Variants in NEFH observed in about 807,000 individuals in gnomAD.
The protein encoded by NEFH is neurofilament heavy chain, also known as neurofilament heavy polypeptide.
NEFH carries 58 observed loss-of-function variants against 56.6 expected under a neutral mutation model. The observed-to-expected ratio is 1.03, with a 90% confidence interval of 0.83 to 1.28. NEFH has a LOEUF of 1.28. NEFH is among the 50% of genes most tolerant of loss of function. The pLI is 0.00. For missense variants in NEFH, 1,221 were observed against 1,307.6 expected (o/e 0.93, Z 1.02); for synonymous variants, 542 against 545.8 (o/e 0.99, Z 0.10).
chr22:29,480,603 A>C lies in NEFH; in HGVS notation c.341A>C (p.Lys114Thr), dbSNP rs368523917. 43 of 1,563,664 alleles carry C rather than the reference A, an allele frequency of 2.7e-5. No individual in the cohort carries two copies. In the African/African-American group the frequency reaches 4.8e-4, roughly 18 times the overall value. ...GACCGCTTCGCCGGGTACATCGACA[A>C]GGTGCGGCAGCTGGAGGCGCACAAC... ...LNDRFAGYID[K>T]VRQLEAHNRS... The change falls in exon 1 of 4, where the codon AAG (lysine) becomes ACG (threonine). Residue 114 changes from lysine to threonine, a missense_variant. Coordinates refer to ENST00000310624, the MANE Select transcript of NEFH (RefSeq NM_021076.4).
rs756746815 is a variant in NEFH, at chr22:29,490,443, G to C, written c.2803G>C (p.Asp935His). 9 of 1,604,756 alleles carry C rather than the reference G, an allele frequency of 5.6e-6. No individual in the cohort carries two copies. In the African/African-American group the frequency reaches 1.1e-4, roughly 19 times the overall value. Residue 935 changes from aspartate to histidine, a missense_variant, in exon 4 of 4, where the codon GAT (aspartate) becomes CAT (histidine). Asp to His is a moderately conservative substitution (Grantham distance 81). Coordinates refer to ENST00000310624, the MANE Select transcript of NEFH (RefSeq NM_021076.4). ...AGAGGTAGCCAAGAAGGAACCAGAT[G>C]ATGCCAAGGCCAAGGAACCCAGCAA... ...KTEVAKKEPD[D>H]AKAKEPSKPA...
chr22:29,481,174 G>GCCCGCC, intron 1 of NEFH, 29 bp downstream of exon 1: 1 of 1,056,332 alleles, frequency 9.5e-7, no homozygotes, highest in Non-Finnish European at 1.4e-6. Flanking sequence ...GGGGGGAGGG[G>GCCCGCC]CGCCCCTGCT....
chr22:29,482,502 AGGT>A (rs2063018046), intron 1 of NEFH, among the ~76,000 whole-genome samples: 1 of 152,212 alleles, frequency 6.6e-6, no homozygotes, highest in Non-Finnish European at 1.5e-5. Context: ...ATGCTCAGCT[AGGT>A]GGAGAAAGGG....
chr22:29,487,355 G>A (rs1055823535), intron 3 of NEFH, among the ~76,000 whole-genome samples: 1 of 152,018 alleles, frequency 6.6e-6, no homozygotes, highest in African/African-American at 2.4e-5. Flanking sequence ...TCTTGGTTGG[G>A]TGTAGTGACT....
intron 3 of NEFH, among the ~76,000 whole-genome samples, chr22:29,487,675 G>C (rs1290669979): frequency 1.3e-5 from 2 of 152,062 alleles, no homozygotes; most frequent in Admixed American, 1.3e-4. Context: ...CAGACGCTCA[G>C]CCCCTCCCCA....
chr22:29,483,591 C>T lies in NEFH; in HGVS notation c.1083+17C>T. ...TCCTACCAGGTGGGCAGGGGCAAGGCAGACAGCCAGACTGCCTTACCTGAT... is the reference window on the plus strand; with the variant it reads ...TCCTACCAGGTGGGCAGGGGCAAGGTAGACAGCCAGACTGCCTTACCTGAT... On this transcript the variant is annotated intron_variant, in intron 2 of 3. Coordinates refer to ENST00000310624, the MANE Select transcript of NEFH (RefSeq NM_021076.4). The T allele has an allele frequency of 6.2e-7, 1 of 1,612,150 alleles. No individual in the cohort carries two copies. The highest frequency in any genetic ancestry group is 8.5e-7 in the Non-Finnish European group (1 of 1,179,402).
chr22:29,489,197 A>C lies in NEFH; in HGVS notation c.1557A>C (p.Pro519=). 1.2e-6 allele frequency: 2 copies of C among 1,614,218 alleles called. No individual in the cohort carries two copies. The highest frequency in any genetic ancestry group is 1.6e-4 in the Middle Eastern group (1 of 6,062). Residue 519 remains proline (P), a synonymous_variant, in exon 4 of 4, where the codon CCA becomes CCC. Coordinates refer to ENST00000310624, the MANE Select transcript of NEFH (RefSeq NM_021076.4). ...CCCCAGAGAAGGAAGCCAAGTCACC[A>C]GTAAAGGAAGAGGCAAAGTCACCGG... ...AASPEKEAKS[P]VKEEAKSPAE...
At chr22:29,484,920 G>A (rs1256446882) in intron 2 of NEFH, among the ~76,000 whole-genome samples, 3 of 151,398 alleles carry the variant, frequency 2.0e-5, no homozygotes, top group South Asian at 2.1e-4. Context: ...CTAAAGTCTT[G>A]TACTTCCGGG....
chr22:29,483,451 G>A lies in NEFH; in HGVS notation c.960G>A (p.Glu320=). The A allele has an allele frequency of 6.2e-7, 1 of 1,614,074 alleles. No individual in the cohort carries two copies. Among genetic ancestry groups the A allele is most frequent in the African/African-American group, 1.3e-5 (1 of 75,078 alleles). ...AMRSAQEEIT[E]YRRQLQARTT... is the part of the protein sequence containing the mutation. ...GCTCAGCGCAGGAGGAGATAACTGA[G>A]TACCGGCGTCAGCTGCAGGCCAGGA... The change falls in exon 2 of 4, where the codon GAG becomes GAA. Residue 320 remains glutamate, a synonymous_variant. Coordinates refer to ENST00000310624, the MANE Select transcript of NEFH (RefSeq NM_021076.4).
Position 29,481,428 on chromosome 22 carries a change from C to T in NEFH, c.883+283C>T, listed in dbSNP as rs165607. ...GCTCTCTACCCCAAGCTTAGGCGACCCCACTCTGAGATCCCTCCCCCGTCA... is the reference window on the plus strand; with the variant it reads ...GCTCTCTACCCCAAGCTTAGGCGACTCCACTCTGAGATCCCTCCCCCGTCA... On this transcript the variant is annotated intron_variant, in intron 1 of 3. Transcript: ENST00000310624. Among the ~76,000 whole-genome samples, 18,594 of 152,098 alleles carry T rather than the reference C, an allele frequency of 0.12. 1,575 individuals are homozygous for T. Among genetic ancestry groups the T allele is most frequent in the South Asian group, 0.17 (798 of 4,802 alleles).
chr22:29,483,864 T>TTTAC (rs1342137926), intron 2 of NEFH, among the ~76,000 whole-genome samples: 1 of 147,220 alleles, frequency 6.8e-6, no homozygotes, highest in South Asian at 2.1e-4. Flanking sequence ...TATTTATTTA[T>TTTAC]TTTGAGATGG....
chr22:29,490,240 A>G lies in NEFH; in HGVS notation c.2600A>G (p.Lys867Arg). The part of the protein sequence containing the change: ...KDSKKEEAPK[K>R]EAPKPKVEEK... ...AGCAAGAAAGAGGAGGCACCCAAGA[A>G]GGAGGCTCCAAAGCCCAAGGTGGAG... Residue 867 changes from lysine (K) to arginine (R), a missense_variant, in exon 4 of 4, where the codon AAG becomes AGG. Physicochemically the swap from Lys to Arg is conservative, Grantham distance 26. This residue lies in a region of NEFH where 301 missense variants were observed against 346.6 expected (regional missense o/e 0.87). Transcript: ENST00000310624. 1 of 1,611,442 alleles carries G rather than the reference A, an allele frequency of 6.2e-7. No individual in the cohort carries two copies. Among genetic ancestry groups the G allele is most frequent in the Non-Finnish European group, 8.5e-7 (1 of 1,178,710 alleles).
In NEFH at chr22:29,480,674, G is replaced by T. The variant is rs751791073; in HGVS notation, c.412G>T (p.Gly138Cys). Residue 138 changes from glycine (G) to cysteine (C), a missense_variant, in exon 1 of 4, where the codon GGC (glycine) becomes TGC (cysteine). By Grantham distance (159) the Gly-to-Cys change is radical. Around this residue, in one of 4 missense-constraint regions of NEFH, gnomAD observed 640 missense variants for 555.5 expected, o/e 1.15. Transcript: ENST00000310624. ...TGCGGCGCTGCGGCAGCAGCAGGCG[G>T]GCCGCTCCGCTATGGGCGAGCTGTA... is the stretch of plus-strand genomic sequence containing the variant. ...EAAALRQQQA[G>C]RSAMGELYER... The T allele has an allele frequency of 1.3e-6, 2 of 1,545,790 alleles. No homozygotes were observed. Among genetic ancestry groups the T allele is most frequent in the East Asian group, 4.7e-5 (2 of 42,164 alleles).
In NEFH at chr22:29,480,410, T is replaced by C; in HGVS notation, c.148T>C (p.Trp50Arg). The C allele has an allele frequency of 1.3e-6, 2 of 1,534,396 alleles. No individual in the cohort carries two copies. Among genetic ancestry groups the C allele is most frequent in the African/African-American group, 2.7e-5 (2 of 72,934 alleles). The change falls in exon 1 of 4, where the codon TGG becomes CGG. Residue 50 changes from tryptophan to arginine, a missense_variant. Around this residue, in one of 4 missense-constraint regions of NEFH, gnomAD observed 640 missense variants for 555.5 expected, o/e 1.15. Coordinates refer to ENST00000310624, the MANE Select transcript of NEFH (RefSeq NM_021076.4). The stretch of plus-strand genomic sequence containing the variant: ...TGGCTCCTCCAGCGGCTTCCACTCG[T>C]GGACACGGACGTCCGTGAGCTCCGT... ...AAGSSSGFHS[W>R]TRTSVSSVSA...
Position 29,481,012 on chromosome 22 carries a change from C to T in NEFH, c.750C>T (p.Ala250=). 6.5e-7 allele frequency: 1 copy of T among 1,531,552 alleles called. No individual in the cohort carries two copies. The highest frequency in any genetic ancestry group is 8.7e-7 in the Non-Finnish European group (1 of 1,145,400). The allele number at this position is 1,531,552 out of a possible 1,614,324, so 94.9% of individuals were successfully genotyped here. A position where few individuals can be genotyped will look rare whatever the true frequency, so the allele number is the denominator to read the frequency against. The change falls in exon 1 of 4, where the codon GCC becomes GCT. Residue 250 remains alanine (A), a synonymous_variant. Coordinates refer to ENST00000310624, the MANE Select transcript of NEFH (RefSeq NM_021076.4). ...ELLGQIQGSG[A]AQAQMQAETR... ...TCGGCCAGATCCAGGGCTCCGGCGC[C>T]GCGCAGGCGCAGATGCAGGCCGAGA...
rs1367565532 is a variant in NEFH, at chr22:29,483,467, C to T, written c.976C>T (p.Gln326Ter). The T allele has an allele frequency of 1.2e-6, 2 of 1,614,074 alleles. No homozygotes were observed. ...GATAACTGAGTACCGGCGTCAGCTG[C>T]AGGCCAGGACCACAGAGCTGGAGGC... The part of the protein sequence containing the change: ...EEITEYRRQL[Q>*]ARTTELEALK... The change falls in exon 2 of 4, where the codon CAG becomes TAG. Residue 326 changes from glutamine (Q) to a stop codon, truncating the protein, a stop_gained. Transcript: ENST00000310624. LOFTEE classifies it high-confidence loss of function.
At position 29,482,636 on chromosome 22, in the gene NEFH, A is replaced by T. The variant is rs184289395; in HGVS notation, c.884-739A>T. 2.6e-5 allele frequency among the ~76,000 whole-genome samples: 4 copies of T among 152,316 alleles called. No individual in the cohort carries two copies. The East Asian group carries it at 7.7e-4, about 29-fold the overall frequency. On this transcript the variant is annotated intron_variant, in intron 1 of 3. Coordinates refer to ENST00000310624, the MANE Select transcript of NEFH (RefSeq NM_021076.4). ...TGCTCACGGTACCCTCATGCCTCCT[A>T]AAGGTCACAAGCTCATTAACTTGTT...
At position 29,485,744 on chromosome 22, in the gene NEFH, G is replaced by A. The variant is rs199907249; in HGVS notation, c.1105G>A (p.Ala369Thr). Reference sequence around the variant, plus strand: ...CCAGGAAGCCATTCAGCAGCTGGACGCTGAGCTGAGGAACACCAAGTGGGA... The same window carrying A: ...CCAGGAAGCCATTCAGCAGCTGGACACTGAGCTGAGGAACACCAAGTGGGA... ...SYQEAIQQLD[A>T]ELRNTKWEMA... is the part of the protein sequence containing the mutation. Residue 369 changes from alanine to threonine, a missense_variant, in exon 3 of 4, where the codon GCT becomes ACT. Transcript: ENST00000310624. 38 of 1,614,036 alleles carry A rather than the reference G, an allele frequency of 2.4e-5. No individual in the cohort carries two copies. The highest frequency in any genetic ancestry group is 3.3e-4 in the Middle Eastern group (2 of 6,084).
Position 29,480,390 on chromosome 22 carries a change from C to A in NEFH, c.128C>A (p.Ser43Tyr). 6.5e-7 allele frequency: 1 copy of A among 1,536,626 alleles called. No homozygotes were observed. The highest frequency in any genetic ancestry group is 8.7e-7 in the Non-Finnish European group (1 of 1,148,536). The change falls in exon 1 of 4, where the codon TCC (serine) becomes TAC (tyrosine). Residue 43 changes from serine (S) to tyrosine (Y), a missense_variant. Ser to Tyr is a moderately radical substitution (Grantham distance 144, BLOSUM62 -2). Around this residue, in one of 4 missense-constraint regions of NEFH, gnomAD observed 640 missense variants for 555.5 expected, o/e 1.15. Coordinates refer to ENST00000310624, the MANE Select transcript of NEFH (RefSeq NM_021076.4). ...GGCGGGACGCGCTCCGCCGCTGGCT[C>A]CTCCAGCGGCTTCCACTCGTGGACA... ...GAGGTRSAAG[S>Y]SSGFHSWTRT...
Sources: gnomAD v4.1 joint callset for allele counts (sites outside exome capture counted in the v4.1 genomes callset) on GRCh38, gnomAD v4.1.1 for gene constraint, gnomAD v4.1.1 regional missense constraint, MANE v1.5 for transcripts, NCBI Gene and HGNC (gene_info 2026-07-23, HGNC 2026-07-21) for gene names.